Variants in UBA1 observed in about 807,000 individuals in gnomAD.
UBA1 encodes the protein ubiquitin-like modifier-activating enzyme 1.
Under a neutral mutation model 84.7 loss-of-function variants are expected in UBA1, and 4 were observed. That is an observed-to-expected ratio of 0.05 (90% CI 0.02 to 0.11). The LOEUF (loss-of-function observed/expected upper bound fraction) is 0.11, where lower values mean the gene tolerates loss of function less well. Among genes scored for constraint, UBA1 ranks in the 10% least tolerant of loss-of-function variants. UBA1 has a pLI of 1.00. For missense variants in UBA1, 513 were observed against 902.8 expected (o/e 0.57, Z 5.53); for synonymous variants, 364 against 362.6 (o/e 1.00, Z -0.04).
chrX:47,201,220 G>A (rs1936405897), intron 6 of UBA1, 56 bp from the exon 7 acceptor site: 13 of 1,063,836 alleles, frequency 1.2e-5, no homozygotes, highest in African/African-American at 3.7e-5. Context: ...TGAGGGACCC[G>A]TGGGACCTGT....
Position 47,200,987 on chromosome X carries a change from C to T in UBA1, c.574C>T (p.Arg192Trp), listed in dbSNP as rs185589110. Residue 192 changes from arginine (R) to tryptophan (W), a missense_variant, in exon 6 of 26, where the codon CGG (arginine) becomes TGG (tryptophan). Physicochemically the swap from Arg to Trp is moderately radical, Grantham distance 101 (BLOSUM62 -3). Transcript: ENST00000335972. ...RGIKLVVADT[R>W]GLFGQLFCDF... ...CATCAAGCTGGTGGTGGCAGACACG[C>T]GGGGCCTGTTTGGGTGAGTGGCAGC... 3.2e-5 allele frequency: 38 copies of T among 1,197,425 alleles called. No homozygotes were observed. The highest frequency in any genetic ancestry group is 3.0e-4 in the East Asian group (10 of 33,185).
At position 47,209,923 on chromosome X, in the gene UBA1, G is replaced by T. The variant is rs782104802; in HGVS notation, c.2004-5G>T. On this transcript the variant is annotated splice_polypyrimidine_tract_variant and splice_region_variant and intron_variant, in intron 17 of 25. Transcript: ENST00000335972. ...CTATCCTCTGTCCTCTTCGATTCCT[G>T]ATAGAGACCCCAAGTTTGTGGAGCG... The T allele has an allele frequency of 8.3e-7, 1 of 1,210,258 alleles. No individual in the cohort carries two copies. The highest frequency in any genetic ancestry group is 1.7e-5 in the African/African-American group (1 of 57,280).
chrX:47,205,889 A>G (rs1936652835), intron 14 of UBA1, 59 bp from the exon 15 acceptor site: 1 of 1,154,031 alleles, frequency 8.7e-7, no homozygotes, highest in Admixed American at 2.4e-5. Context: ...TGAATGCACA[A>G]ATAAGTGAGC....
At chrX:47,194,618 T>C (rs1334745255) in intron 1 of UBA1, among the ~76,000 whole-genome samples, 1 of 111,613 alleles carries the variant, frequency 9.0e-6, no homozygotes, top group Admixed American at 9.4e-5. Context: ...GAAAGGCCAT[T>C]TGGGCCTGGC....
At chrX:47,206,159 G>GT in intron 15 of UBA1, 46 bp downstream of exon 15, 1 of 1,181,333 alleles carries the variant, frequency 8.5e-7, no homozygotes, top group Non-Finnish European at 1.1e-6. Context: ...AGTTGTGTGT[G>GT]TTTCGGTGTG....
intron 1 of UBA1, among the ~76,000 whole-genome samples, chrX:47,196,611 G>A (rs1569206217): frequency 9.0e-6 from 1 of 111,284 alleles, no homozygotes; most frequent in Non-Finnish European, 1.9e-5. Flanking sequence ...TAGCTCCTCT[G>A]CAGAGTTTCT....
intron 14 of UBA1, chrX:47,205,729 C>A: frequency 2.2e-6 from 1 of 455,821 alleles, no homozygotes; most frequent in Non-Finnish European, 3.8e-6. Flanking sequence ...TGGCACACAC[C>A]TGTGGTCCCA....
intron 5 of UBA1, 150 bp downstream of exon 5, chrX:47,199,764 C>T (rs1936335716): frequency 3.1e-6 from 2 of 653,899 alleles, no homozygotes; most frequent in Non-Finnish European, 4.8e-6. Context: ...CAGTTAGCCC[C>T]TGGCCCTGCC....
chrX:47,206,664 C>T (rs1196703373), intron 16 of UBA1: 1 of 432,162 alleles, frequency 2.3e-6, no homozygotes. Flanking sequence ...AACACATAGA[C>T]AAATATTAAG....
intron 14 of UBA1, among the ~76,000 whole-genome samples, chrX:47,204,139 GTTTTTTTT>G (rs55829376): frequency 4.2e-4 from 7 of 16,861 alleles, no homozygotes; most frequent in Admixed American, 1.1e-3. Context: ...CTCAGCTTCT[GTTTTTTTT>G]TTTTTTTTTT....
At chrX:47,212,028 TCCC>T (rs1783259972) in intron 20 of UBA1, among the ~76,000 whole-genome samples, 1 of 88,250 alleles carries the variant, frequency 1.1e-5, no homozygotes, top group Non-Finnish European at 2.2e-5. Context: ...ATCTGTGTAT[TCCC>T]CCCAACTTCC....
intron 8 of UBA1, 84 bp downstream of exon 8, chrX:47,201,694 T>C: frequency 3.7e-6 from 4 of 1,089,348 alleles, no homozygotes; most frequent in Non-Finnish European, 5.0e-6. Context: ...GGAGAAGACA[T>C]GGCCCTTGGT....
In UBA1 at chrX:47,203,610, G is replaced by C; in HGVS notation, c.1489G>C (p.Gly497Arg). The C allele has an allele frequency of 3.3e-6, 4 of 1,211,262 alleles. No homozygotes were observed. Among genetic ancestry groups the C allele is most frequent in the Non-Finnish European group, 4.5e-6 (4 of 895,260 alleles). ...FAMIGLGCGE[G>R]GEIIVTDMDT... ...CATGATTGGGCTGGGCTGCGGGGAG[G>C]GTGGAGAAATCATCGTTACAGACAT... The change falls in exon 14 of 26, where the codon GGT (glycine) becomes CGT (arginine). Residue 497 changes from glycine (G) to arginine (R), a missense_variant. Physicochemically the swap from Gly to Arg is moderately radical, Grantham distance 125. Coordinates refer to ENST00000335972, the MANE Select transcript of UBA1 (RefSeq NM_003334.4).
chrX:47,197,137 A>G (rs1396640560), intron 1 of UBA1: 2 of 753,427 alleles, frequency 2.7e-6, no homozygotes. Context: ...TCACCTGGCT[A>G]TCTCAGGGGC....
rs969116236 is a variant in UBA1 at position 47,201,273 on chromosome X, C to T, written c.588-3C>T. 1 of 1,205,292 alleles carries T rather than the reference C, an allele frequency of 8.3e-7. No homozygotes were observed. Among genetic ancestry groups the T allele is most frequent in the Non-Finnish European group, 1.1e-6 (1 of 891,319 alleles). ...GCACCAGCCCTATTGCTTCCCTCTA[C>T]AGGCAGCTCTTCTGTGACTTTGGAG... On this transcript the variant is annotated splice_region_variant and splice_polypyrimidine_tract_variant and intron_variant, in intron 6 of 25. Coordinates refer to ENST00000335972, the MANE Select transcript of UBA1 (RefSeq NM_003334.4).
intron 23 of UBA1, among the ~76,000 whole-genome samples, chrX:47,214,084 G>T (rs1182918386): frequency 1.8e-5 from 2 of 111,154 alleles, no homozygotes; most frequent in African/African-American, 6.6e-5. Flanking sequence ...AGATAGGGGT[G>T]TGCCTGGCAA....
Position 47,198,833 on chromosome X carries a change from C to T in UBA1, c.31C>T (p.Arg11Cys), listed in dbSNP as rs1556786387. 11 of 1,210,359 alleles carry T rather than the reference C, an allele frequency of 9.1e-6. No individual in the cohort carries two copies. In the Admixed American group the frequency reaches 1.1e-4, roughly 12 times the overall value. ...CAGCTCGCCGCTGTCCAAGAAACGT[C>T]GCGTGTCCGGGCCTGATCCAAAGCC... MSSSPLSKKR[R>C]VSGPDPKPGS... Residue 11 changes from arginine to cysteine, a missense_variant, in exon 2 of 26, where the codon CGC (arginine) becomes TGC (cysteine). Transcript: ENST00000335972.
At chrX:47,204,815 G>A (rs962454869) in intron 14 of UBA1, 2 of 111,637 alleles carry the variant, frequency 1.8e-5, no homozygotes, top group African/African-American at 3.3e-5. Flanking sequence ...GAGCAGTGTC[G>A]TTTTTGCTTA....
chrX:47,211,216 G>A lies in UBA1; in HGVS notation c.2455G>A (p.Ala819Thr), dbSNP rs782445749. The change falls in exon 20 of 26, where the codon GCC becomes ACC. Residue 819 changes from alanine to threonine, a missense_variant. Ala to Thr is a moderately conservative substitution (Grantham distance 58). Transcript: ENST00000335972. ...VSDQELQSAN[A>T]SVDDSRLEEL... ...TGACCAGGAGCTGCAGAGCGCCAAT[G>A]CCTCTGTTGGTGAGGGTGTTTGGCC... 2.4e-5 allele frequency: 29 copies of A among 1,207,618 alleles called. No individual in the cohort carries two copies. Among genetic ancestry groups the A allele is most frequent in the Non-Finnish European group, 3.1e-5 (28 of 895,283 alleles).
Sources: allele counts gnomAD v4.1 joint callset (sites outside exome capture counted in the v4.1 genomes callset), GRCh38; gene constraint gnomAD v4.1.1; transcripts MANE v1.5; gene names NCBI Gene and HGNC (gene_info 2026-07-23, HGNC 2026-07-21).